ZNF283: variants seen among roughly 807,000 people sequenced by gnomAD.
ZNF283 encodes the protein zinc finger protein 41.
In ZNF283, 10 loss-of-function variants were observed where a neutral mutation model predicts 9.2. That is an observed-to-expected ratio of 1.09 (90% CI 0.67 to 1.85). The LOEUF is 1.85. Ranked by LOEUF, ZNF283 falls within the 40% of genes most tolerant of loss-of-function variation. ZNF283 has a pLI of 0.00. For missense variants in ZNF283, 631 were observed against 760.1 expected, an observed-to-expected ratio of 0.83 and a Z score of 2.00; for synonymous variants, 234 against 244.1, an observed-to-expected ratio of 0.96 and a Z score of 0.38.
chr19:43,843,525 T>A (rs2356434), intron 6 of ZNF283, among the ~76,000 whole-genome samples: 61,554 of 152,132 alleles, frequency 0.4, 12,881 homozygotes, highest in South Asian at 0.55. Flanking sequence ...TCTGTCATGT[T>A]AAAATTAGAA....
At position 43,851,398 on chromosome 19, in the gene ZNF283, T is replaced by C. The variant is rs1971603078; in HGVS notation, c.*2757T>C. On this transcript the variant is annotated 3_prime_UTR_variant, in exon 7 of 7. Coordinates refer to ENST00000618787, the MANE Select transcript of ZNF283 (RefSeq NM_181845.2). ...CAAGCAAAAGCACCTCACCAGCTTA[T>C]CAAAAGACTAAAGAGAAGTGAAAAA... 6.8e-6 allele frequency: 1 copy of C among 147,574 alleles called. No homozygotes were observed. The highest frequency in any genetic ancestry group is 1.5e-5 in the Non-Finnish European group (1 of 67,220). 9.1% of individuals were successfully genotyped at this position (147,574 alleles called of 1,614,324 possible).
At chr19:43,834,017 G>T (rs1021307568) in intron 4 of ZNF283, among the ~76,000 whole-genome samples, 3 of 152,190 alleles carry the variant, frequency 2.0e-5, no homozygotes, top group African/African-American at 7.2e-5. Flanking sequence ...TAGGAAGGCA[G>T]TTATAAGCAA....
At chr19:43,835,369 A>G in intron 4 of ZNF283, 136 bp from the exon 5 acceptor site, 1 of 615,102 alleles carries the variant, frequency 1.6e-6, no homozygotes, top group Non-Finnish European at 2.9e-6. Flanking sequence ...GGTTTAGGTG[A>G]AAGTTTGAAT....
Position 43,848,377 on chromosome 19 carries a change from CCATACTAATG to C in ZNF283, c.1777_1786del (p.His593ArgfsTer86), listed in dbSNP as rs765306260. ...CAAGCCTAGTTAAGCATGAGAGAGT[CCATACTAATG>C]AGAAGTCTTATGAATGTAAAGACTG... On this transcript the variant is annotated frameshift_variant, in exon 7 of 7. Transcript: ENST00000618787. LOFTEE classifies it low-confidence loss of function (END_TRUNC). 2.1e-5 allele frequency: 34 copies of C among 1,613,440 alleles called. 1 individual carries two copies. In the Middle Eastern group the frequency reaches 1.3e-3, roughly 62 times the overall value.
chr19:43,840,900 C>A (rs917963235), intron 6 of ZNF283: 2 of 151,530 alleles, frequency 1.3e-5, no homozygotes, highest in South Asian at 2.1e-4. Context: ...GATGAGGTTT[C>A]ACCGTGTTAG....
At chr19:43,827,766 A>G (rs1010884660) in intron 1 of ZNF283, 1 of 152,230 alleles carries the variant, frequency 6.6e-6, no homozygotes, top group East Asian at 1.9e-4. Flanking sequence ...GCTTTGACCA[A>G]ATGCTCTAGG....
chr19:43,830,684 C>G (rs1038486227), intron 2 of ZNF283, among the ~76,000 whole-genome samples: 1 of 151,894 alleles, frequency 6.6e-6, no homozygotes. Context: ...GGGTGGATCA[C>G]TTGAGGTCAG....
At chr19:43,840,718 C>T in intron 6 of ZNF283, 1 of 152,118 alleles carries the variant, frequency 6.6e-6, no homozygotes, top group Non-Finnish European at 1.5e-5. Context: ...TGGAGTCTTG[C>T]TCTGTCACCC....
At chr19:43,829,491 G>T (rs72626211) in intron 2 of ZNF283, among the ~76,000 whole-genome samples, 15,482 of 152,154 alleles carry the variant, frequency 0.1, 886 homozygotes, top group East Asian at 0.23. Flanking sequence ...AATTGATTCA[G>T]GCCCTCTGTG....
chr19:43,828,470 C>A (rs574208834), intron 2 of ZNF283, among the ~76,000 whole-genome samples, 189 bp downstream of exon 2: 1 of 152,240 alleles, frequency 6.6e-6, no homozygotes, highest in South Asian at 2.1e-4. Flanking sequence ...TTCTTACCCA[C>A]CTGTTCATAT....
Position 43,848,385 on chromosome 19 carries a change from A to G in ZNF283, c.1784A>G (p.Asn595Ser), listed in dbSNP as rs1215665102. Residue 595 changes from asparagine (N) to serine (S), a missense_variant, in exon 7 of 7, where the codon AAT becomes AGT. Coordinates refer to ENST00000618787, the MANE Select transcript of ZNF283 (RefSeq NM_181845.2). Reference protein sequence around the residue: ...SLVKHERVHTNEKSYECKDCG... With the variant: ...SLVKHERVHTSEKSYECKDCG... ...GTTAAGCATGAGAGAGTCCATACTA[A>G]TGAGAAGTCTTATGAATGTAAAGAC... 1 of 1,613,192 alleles carries G rather than the reference A, an allele frequency of 6.2e-7. No individual in the cohort carries two copies. The highest frequency in any genetic ancestry group is 1.3e-5 in the African/African-American group (1 of 74,676).
Position 43,849,682 on chromosome 19 carries a change from C to T in ZNF283, c.*1041C>T, listed in dbSNP as rs1349037199. The T allele has an allele frequency of 1.3e-5, 2 of 152,204 alleles. No individual in the cohort carries two copies. The highest frequency in any genetic ancestry group is 3.8e-4 in the East Asian group (2 of 5,196). 9.4% of individuals were successfully genotyped at this position (152,204 alleles called of 1,614,324 possible). A position where few individuals can be genotyped will look rare whatever the true frequency, so the allele number is the denominator to read the frequency against. On this transcript the variant is annotated 3_prime_UTR_variant, in exon 7 of 7. Coordinates refer to ENST00000618787, the MANE Select transcript of ZNF283 (RefSeq NM_181845.2). ...TCCATGGCAAATACCATACTGTCAT[C>T]ACCATTTCACCTCCATACTACCTGT...
chr19:43,844,023 A>G (rs946186287), intron 6 of ZNF283, among the ~76,000 whole-genome samples: 5 of 152,224 alleles, frequency 3.3e-5, no homozygotes, highest in Admixed American at 6.5e-5. Flanking sequence ...AGAAGCAGAT[A>G]TGAGAATCCA....
chr19:43,833,260 T>A (rs879298185), intron 3 of ZNF283, among the ~76,000 whole-genome samples: 5 of 152,008 alleles, frequency 3.3e-5, no homozygotes, highest in Non-Finnish European at 7.4e-5. Flanking sequence ...TCCCACATTA[T>A]GTTAGTTACA....
At chr19:43,844,698 C>A (rs1246909074) in intron 6 of ZNF283, among the ~76,000 whole-genome samples, 1 of 152,110 alleles carries the variant, frequency 6.6e-6, no homozygotes, top group Non-Finnish European at 1.5e-5. Context: ...ATAGCTCAAC[C>A]AAAATGTTAT....
intron 1 of ZNF283, chr19:43,827,952 A>G (rs1468402789): frequency 6.6e-6 from 1 of 152,168 alleles, no homozygotes; most frequent in Non-Finnish European, 1.5e-5. Context: ...TGGGATTCCT[A>G]GAAGAGGGGC....
intron 2 of ZNF283, among the ~76,000 whole-genome samples, chr19:43,830,592 G>A (rs545394267): frequency 1.3e-4 from 20 of 152,058 alleles, no homozygotes; most frequent in Non-Finnish European, 2.4e-4. Context: ...TGTAATTGCC[G>A]GGAAAGAGCT....
Position 43,831,382 on chromosome 19 carries a change from G to A in ZNF283, c.-1+1G>A, listed in dbSNP as rs1970702829. 6.3e-7 allele frequency: 1 copy of A among 1,593,820 alleles called. No homozygotes were observed. Among genetic ancestry groups the A allele is most frequent in the African/African-American group, 1.3e-5 (1 of 74,880 alleles). On this transcript the variant is annotated splice_donor_variant, in intron 3 of 6. Transcript: ENST00000618787. LOFTEE classifies it low-confidence loss of function (5UTR_SPLICE). ...ACAGCTACAGGATGTTCGAGAGCTG[G>A]TAGGTGTAAATTGTTTCAGGCCCAC...
At chr19:43,844,054 C>A (rs1414012036) in intron 6 of ZNF283, among the ~76,000 whole-genome samples, 1 of 152,042 alleles carries the variant, frequency 6.6e-6, no homozygotes, top group Admixed American at 6.5e-5. Flanking sequence ...ATTAAACCAT[C>A]CATTTAAAAG....
Sources: allele counts gnomAD v4.1 joint callset (sites outside exome capture counted in the v4.1 genomes callset), GRCh38; gene constraint gnomAD v4.1.1; transcripts MANE v1.5; gene names NCBI Gene and HGNC (gene_info 2026-07-23, HGNC 2026-07-21).